The following IL23R variants were observed in gnomAD, a reference collection of about 807,000 sequenced individuals.
The protein encoded by IL23R is interleukin 23 receptor, also known as interleukin-23 receptor.
Under a neutral mutation model 56.9 loss-of-function variants are expected in IL23R, and 34 were observed. The observed-to-expected ratio is 0.60, with a 90% CI of 0.45 to 0.80. The LOEUF is 0.80. Among genes scored for constraint, IL23R ranks in the 30% least tolerant of loss-of-function variants. The pLI is 0.00. For synonymous variants in IL23R, 230 were observed against 249.2 expected (o/e 0.92, Z 0.73); for missense variants, 635 against 730.0 (o/e 0.87, Z 1.50).
intron 7 of IL23R, among the ~76,000 whole-genome samples, chr1:67,226,616 G>A (rs981977635): frequency 5.3e-5 from 8 of 152,180 alleles, no homozygotes; most frequent in African/African-American, 1.7e-4. Flanking sequence ...GTACAGGATA[G>A]CGGGGCATAG....
intron 4 of IL23R, among the ~76,000 whole-genome samples, chr1:67,187,835 G>A (rs1647454536): frequency 6.6e-6 from 1 of 152,122 alleles, no homozygotes; most frequent in Admixed American, 6.5e-5. Context: ...GGAGGCTGAG[G>A]CAGATGGATC....
At chr1:67,193,358 T>C (rs944613123) in intron 4 of IL23R, among the ~76,000 whole-genome samples, 1 of 152,262 alleles carries the variant, frequency 6.6e-6, no homozygotes, top group East Asian at 1.9e-4. Flanking sequence ...AAATGTGTGC[T>C]TCATGACAGT....
intron 6 of IL23R, chr1:67,207,291 T>C (rs1242438704): frequency 5.2e-6 from 3 of 574,780 alleles, no homozygotes; most frequent in South Asian, 3.8e-5. Context: ...TGGGGTATGA[T>C]TGATCCTGTC....
Position 67,188,283 on chromosome 1 carries a change from A to G in IL23R, c.491+5324A>G, listed in dbSNP as rs187712476. ...CTTCTTATCCAAGTTCCAGGCAGGA[A>G]AAGTGGTAAAGAGCAAAGGAGTTCC... On this transcript the variant is annotated intron_variant, in intron 4 of 10. Transcript: ENST00000347310. Among the ~76,000 whole-genome samples, 476 of 152,250 alleles carry G rather than the reference A, an allele frequency of 3.1e-3. 5 individuals are homozygous for G. The highest frequency in any genetic ancestry group is 0.011 in the African/African-American group (459 of 41,568).
intron 7 of IL23R, among the ~76,000 whole-genome samples, chr1:67,230,541 C>T (rs1430411971): frequency 1.5e-5 from 2 of 135,838 alleles, no homozygotes; most frequent in Non-Finnish European, 3.3e-5. Flanking sequence ...TTGCCTTTTC[C>T]TCCTCTTATT....
chr1:67,233,852 G>T (rs1432262313), intron 7 of IL23R, among the ~76,000 whole-genome samples: 4 of 138,536 alleles, frequency 2.9e-5, no homozygotes, highest in South Asian at 2.3e-4. Context: ...ATATCATGAG[G>T]TTTTTTTTTT....
Position 67,168,100 on chromosome 1 carries a change from A to T in IL23R, c.-21A>T. Reference sequence around the variant, plus strand: ...TCATATTTTTTTTCCAGAGGGAAACAGTCTTTTCCTGCTTCCAGACATGAA... The same window carrying T: ...TCATATTTTTTTTCCAGAGGGAAACTGTCTTTTCCTGCTTCCAGACATGAA... On this transcript the variant is annotated 5_prime_UTR_variant, in exon 2 of 11. Transcript: ENST00000347310. The T allele has an allele frequency of 6.4e-7, 1 of 1,556,006 alleles. No individual in the cohort carries two copies. Among genetic ancestry groups the T allele is most frequent in the Non-Finnish European group, 8.9e-7 (1 of 1,127,578 alleles).
At chr1:67,257,888 G>C (rs1653037199) in intron 10 of IL23R, among the ~76,000 whole-genome samples, 1 of 152,062 alleles carries the variant, frequency 6.6e-6, no homozygotes, top group South Asian at 2.1e-4. Flanking sequence ...ATTTTTAGTA[G>C]AGACAGGGTT....
At chr1:67,186,638 G>T (rs1647357326) in intron 4 of IL23R, among the ~76,000 whole-genome samples, 1 of 152,200 alleles carries the variant, frequency 6.6e-6, no homozygotes, top group African/African-American at 2.4e-5. Context: ...TGTCTTCAAG[G>T]TTATCTATGG....
intron 9 of IL23R, among the ~76,000 whole-genome samples, chr1:67,249,056 C>T (rs528676025): frequency 2.0e-4 from 30 of 152,278 alleles, no homozygotes; most frequent in Admixed American, 1.0e-3. Flanking sequence ...AGAAATAACC[C>T]GCCTTCTGCG....
chr1:67,248,362 T>C (rs1652381977), intron 9 of IL23R, among the ~76,000 whole-genome samples: 1 of 152,224 alleles, frequency 6.6e-6, no homozygotes, highest in African/African-American at 2.4e-5. Context: ...TTTCATTGAG[T>C]TAATCTTCAA....
downstream of IL23R, among the ~76,000 whole-genome samples, chr1:67,262,378 T>A (rs1653224312): frequency 6.6e-6 from 1 of 152,034 alleles, no homozygotes; most frequent in Admixed American, 6.6e-5. Context: ...AGATAATAAG[T>A]GCTGTCTAGA....
intron 7 of IL23R, among the ~76,000 whole-genome samples, chr1:67,232,998 T>C (rs1368579475): frequency 1.3e-5 from 2 of 151,958 alleles, no homozygotes; most frequent in Non-Finnish European, 2.9e-5. Context: ...ATAAGTTTCC[T>C]GAGGCCTCCC....
At chr1:67,227,957 T>A (rs561032088) in intron 7 of IL23R, among the ~76,000 whole-genome samples, 6 of 9,520 alleles carry the variant, frequency 6.3e-4, no homozygotes, top group Non-Finnish European at 2.2e-3. Flanking sequence ...TTTCTTTCTT[T>A]CTTTCTTTCT....
At chr1:67,146,823 C>G (rs1646683494) in intron 1 of IL23R, among the ~76,000 whole-genome samples, 1 of 152,240 alleles carries the variant, frequency 6.6e-6, no homozygotes, top group South Asian at 2.1e-4. Context: ...CCTCCCCTAT[C>G]TTCACGATTA....
chr1:67,255,599 C>T (rs888437312), intron 9 of IL23R, among the ~76,000 whole-genome samples: 4 of 151,942 alleles, frequency 2.6e-5, no homozygotes, highest in Non-Finnish European at 4.4e-5. Flanking sequence ...CCACCACACC[C>T]AGCTAATTTT....
intron 6 of IL23R, among the ~76,000 whole-genome samples, chr1:67,213,177 G>A (rs1336264680): frequency 1.3e-5 from 2 of 152,124 alleles, no homozygotes; most frequent in East Asian, 1.9e-4. Context: ...GCAATCTTGA[G>A]CATGTTTCTT....
chr1:67,248,728 T>G (rs147465951), intron 9 of IL23R, among the ~76,000 whole-genome samples: 82 of 152,258 alleles, frequency 5.4e-4, no homozygotes, highest in African/African-American at 1.9e-3. Flanking sequence ...TTTGTGCTGG[T>G]TTCTCCCAAT....
Position 67,169,504 on chromosome 1 carries a change from C to A in IL23R, c.233C>A (p.Thr78Lys). Residue 78 changes from threonine to lysine, a missense_variant, in exon 3 of 11, where the codon ACA (threonine) becomes AAA (lysine). By Grantham distance (78) the Thr-to-Lys change is moderately conservative. Transcript: ENST00000347310. ...GGCATCAAAGAAAGATTTCAAATCA[C>A]AAGGATTAATAAAACAACAGCTCGG... is the stretch of plus-strand genomic sequence containing the variant. ...KNGIKERFQI[T>K]RINKTTARLW... 6.2e-7 allele frequency: 1 copy of A among 1,613,974 alleles called. No homozygotes were observed. The highest frequency in any genetic ancestry group is 8.5e-7 in the Non-Finnish European group (1 of 1,179,920).
Sources: allele counts gnomAD v4.1 joint callset (sites outside exome capture counted in the v4.1 genomes callset), GRCh38; gene constraint gnomAD v4.1.1; transcripts MANE v1.5; gene names NCBI Gene and HGNC (gene_info 2026-07-23, HGNC 2026-07-21).